Variants in RGS20 observed in about 807,000 individuals in gnomAD.
RGS20 encodes the protein gz-selective GTPase-activating protein.
RGS20 carries 30 observed loss-of-function variants against 33.6 expected under a neutral mutation model. The ratio of observed to expected loss-of-function variants is 0.89; its 90% confidence interval spans 0.67 to 1.21. The LOEUF is 1.21. Ranked by LOEUF, RGS20 falls within the 50% of genes most tolerant of loss-of-function variation. RGS20 has a pLI of 0.00. For missense variants in RGS20, 472 were observed against 502.4 expected (o/e 0.94, Z 0.58); for synonymous variants, 208 against 197.9 (o/e 1.05, Z -0.43).
chr8:53,852,307 T>A (rs1357628150), intron 1 of RGS20, among the ~76,000 whole-genome samples: 1 of 152,240 alleles, frequency 6.6e-6, no homozygotes, highest in Non-Finnish European at 1.5e-5. Flanking sequence ...TATTGCTTTT[T>A]TGTTTGTTTG....
chr8:53,938,772 A>G (rs1018351117), intron 2 of RGS20, among the ~76,000 whole-genome samples: 2 of 152,160 alleles, frequency 1.3e-5, no homozygotes, highest in African/African-American at 4.8e-5. Context: ...CTTGCTTCTC[A>G]TGCTGCTTTT....
At chr8:53,888,049 A>G (rs1019975144) in intron 2 of RGS20, among the ~76,000 whole-genome samples, 2 of 152,050 alleles carry the variant, frequency 1.3e-5, no homozygotes, top group African/African-American at 4.8e-5. Context: ...TCTTACATGT[A>G]TGGGGTCTTC....
intron 1 of RGS20, among the ~76,000 whole-genome samples, chr8:53,868,973 G>C (rs1415769046): frequency 6.6e-6 from 1 of 152,000 alleles, no homozygotes; most frequent in Non-Finnish European, 1.5e-5. Context: ...GGCTGGTCTT[G>C]AACTCCTGAC....
Position 53,858,501 on chromosome 8 carries a change from TAC to T in RGS20, c.165+6451_165+6452del, listed in dbSNP as rs139879718. On this transcript the variant is annotated intron_variant, in intron 1 of 5. Coordinates refer to ENST00000297313, the MANE Select transcript of RGS20 (RefSeq NM_170587.4). Reference sequence around the variant, plus strand: ...GCATATATATATACATATATATATATACACACACACACACATCCTTTTAAAAA... The same window carrying T: ...GCATATATATATACATATATATATATACACACACACACATCCTTTTAAAAA... Among the ~76,000 whole-genome samples, 513 of 151,328 alleles carry T rather than the reference TAC, an allele frequency of 3.4e-3. 3 individuals are homozygous for T. The highest frequency in any genetic ancestry group is 0.01 in the South Asian group (50 of 4,776).
chr8:53,879,207 C>G lies in RGS20; in HGVS notation c.166-51C>G, dbSNP rs777613968. The G allele has an allele frequency of 1.1e-5, 17 of 1,492,714 alleles. 1 individual carries two copies. In the South Asian group the frequency reaches 1.9e-4, roughly 17 times the overall value. 92.5% of individuals were successfully genotyped at this position (1,492,714 alleles called of 1,614,324 possible). Reference sequence around the variant, plus strand: ...TAGTAAAGAGCCCCATCTAAGCGGCCGGACACCACAGTAACCGTATGCTGG... The same window carrying G: ...TAGTAAAGAGCCCCATCTAAGCGGCGGGACACCACAGTAACCGTATGCTGG... On this transcript the variant is annotated intron_variant, in intron 1 of 5. Coordinates refer to ENST00000297313, the MANE Select transcript of RGS20 (RefSeq NM_170587.4).
chr8:53,861,835 T>C (rs1811814715), intron 1 of RGS20, among the ~76,000 whole-genome samples: 1 of 152,222 alleles, frequency 6.6e-6, no homozygotes, highest in Non-Finnish European at 1.5e-5. Flanking sequence ...GTCTTAAAAA[T>C]ACCTGCACCT....
chr8:53,920,790 ACT>A (rs1485135052), intron 2 of RGS20, among the ~76,000 whole-genome samples: 1 of 151,918 alleles, frequency 6.6e-6, no homozygotes, highest in Non-Finnish European at 1.5e-5. Flanking sequence ...GGGCAGTCTC[ACT>A]CTGTTGCCCG....
chr8:53,939,898 T>G (rs1814241350), intron 3 of RGS20, among the ~76,000 whole-genome samples, 174 bp downstream of exon 2: 1 of 152,204 alleles, frequency 6.6e-6, no homozygotes, highest in African/African-American at 2.4e-5. Context: ...AACAACAGGC[T>G]GCATCTGTCT....
intron 2 of RGS20, among the ~76,000 whole-genome samples, chr8:53,917,363 G>A (rs770534094): frequency 3.9e-5 from 6 of 152,052 alleles, no homozygotes; most frequent in Non-Finnish European, 8.8e-5. Context: ...TGGCCAGGCT[G>A]GTCTGGAACT....
chr8:53,925,192 T>G (rs1813758985), intron 2 of RGS20, among the ~76,000 whole-genome samples: 1 of 152,198 alleles, frequency 6.6e-6, no homozygotes, highest in African/African-American at 2.4e-5. Flanking sequence ...TATCTGTCAT[T>G]GCTTTTGCTT....
chr8:53,893,231 A>G (rs1232103199), intron 2 of RGS20, among the ~76,000 whole-genome samples: 3 of 152,320 alleles, frequency 2.0e-5, no homozygotes, highest in Admixed American at 2.0e-4. Context: ...CATTATCTCC[A>G]TGAATGATTT....
intron 2 of RGS20, among the ~76,000 whole-genome samples, chr8:53,915,389 A>T (rs1813456016): frequency 6.6e-6 from 1 of 151,234 alleles, no homozygotes; most frequent in South Asian, 2.1e-4. Context: ...TTTCTTCTAC[A>T]GGGATCTCCC....
At chr8:53,897,742 G>T (rs1812908301) in intron 2 of RGS20, among the ~76,000 whole-genome samples, 1 of 152,178 alleles carries the variant, frequency 6.6e-6, no homozygotes, top group Non-Finnish European at 1.5e-5. Context: ...TTCTCAAGTT[G>T]CTAACTTGTT....
chr8:53,925,973 C>T (rs1447388839), intron 2 of RGS20, among the ~76,000 whole-genome samples: 1 of 152,058 alleles, frequency 6.6e-6, no homozygotes, highest in Non-Finnish European at 1.5e-5. Context: ...GTAATCTCAG[C>T]ACTTCGGAAG....
chr8:53,878,982 A>G (rs984773706), intron 1 of RGS20, among the ~76,000 whole-genome samples: 2 of 152,168 alleles, frequency 1.3e-5, no homozygotes, highest in Admixed American at 6.5e-5. Flanking sequence ...ATTCCGATGC[A>G]TTGGCTGGGT....
At chr8:53,855,934 T>A (rs147875188) in intron 1 of RGS20, among the ~76,000 whole-genome samples, 1 of 152,210 alleles carries the variant, frequency 6.6e-6, no homozygotes, top group Non-Finnish European at 1.5e-5. Flanking sequence ...AGTTTAGATA[T>A]ACTATTGGTT....
chr8:53,868,911 C>A (rs1011680099), intron 1 of RGS20, among the ~76,000 whole-genome samples: 2 of 152,134 alleles, frequency 1.3e-5, no homozygotes, highest in Non-Finnish European at 2.9e-5. Context: ...CACCACCACG[C>A]CTGGCTAATT....
rs370091533 is a variant in RGS20, at chr8:53,871,112, C to CAAAA, written c.166-8120_166-8117dup. Reference sequence around the variant, plus strand: ...GGTGACAGAGTGAGACTCCATCTCACAAAAAAAAAAAAAAAAAAAAAAAAA... The same window carrying CAAAA: ...GGTGACAGAGTGAGACTCCATCTCACAAAAAAAAAAAAAAAAAAAAAAAAAAAAA... On this transcript the variant is annotated intron_variant, in intron 1 of 5. Transcript: ENST00000297313. Among the ~76,000 whole-genome samples the CAAAA allele has an allele frequency of 1.1e-3, 24 of 21,460 alleles. 2 individuals are homozygous for CAAAA. The highest frequency in any genetic ancestry group is 2.3e-3 in the African/African-American group (21 of 9,058). 14.1% of individuals were successfully genotyped at this position (21,460 alleles called of 152,430 possible).
intron 1 of RGS20, among the ~76,000 whole-genome samples, chr8:53,856,721 A>G (rs990258148): frequency 3.3e-5 from 5 of 152,176 alleles, no homozygotes; most frequent in African/African-American, 1.2e-4. Context: ...TCTTAATTAT[A>G]AACATGGTCA....
Sources: allele counts gnomAD v4.1 joint callset (sites outside exome capture counted in the v4.1 genomes callset), GRCh38; gene constraint gnomAD v4.1.1; transcripts MANE v1.5; gene names NCBI Gene and HGNC (gene_info 2026-07-23, HGNC 2026-07-21).